WWTR1: variants seen among roughly 807,000 people sequenced by gnomAD.
The protein encoded by WWTR1 is WW domain containing transcription regulator 1.
WWTR1 carries 13 observed loss-of-function variants against 40.1 expected under a neutral mutation model. That is an observed-to-expected ratio of 0.32 (90% CI 0.21 to 0.52). The LOEUF is 0.52. WWTR1 is among the 20% of genes least tolerant of loss of function. The pLI is 0.97. For missense variants in WWTR1, 436 were observed against 523.1 expected, an observed-to-expected ratio of 0.83 and a Z score of 1.63; for synonymous variants, 230 against 210.1, an observed-to-expected ratio of 1.09 and a Z score of -0.82.
chr3:149,579,679 C>T (rs1255947555), intron 2 of WWTR1, among the ~76,000 whole-genome samples: 1 of 152,110 alleles, frequency 6.6e-6, no homozygotes, highest in Non-Finnish European at 1.5e-5. Context: ...GCTGCCAAGC[C>T]TATGATATTT....
At chr3:149,586,306 TTTC>T (rs1454198859) in intron 2 of WWTR1, among the ~76,000 whole-genome samples, 2 of 152,158 alleles carry the variant, frequency 1.3e-5, no homozygotes, top group African/African-American at 4.8e-5. Context: ...TAATCACTTG[TTTC>T]TAAATGATCC....
intron 2 of WWTR1, among the ~76,000 whole-genome samples, chr3:149,597,537 C>T (rs1289318374): frequency 1.3e-5 from 2 of 151,610 alleles, no homozygotes; most frequent in Non-Finnish European, 2.9e-5. Flanking sequence ...CCCAGTGCCT[C>T]GAGAGGCTGG....
intron 4 of WWTR1, among the ~76,000 whole-genome samples, chr3:149,539,828 C>T (rs1035300313): frequency 6.6e-6 from 1 of 151,970 alleles, no homozygotes; most frequent in African/African-American, 2.4e-5. Context: ...AACACAGAGC[C>T]CACACCTGAA....
At chr3:149,676,891 C>T (rs929300813) in intron 1 of WWTR1, among the ~76,000 whole-genome samples, 4 of 151,370 alleles carry the variant, frequency 2.6e-5, no homozygotes, top group Non-Finnish European at 5.9e-5. Context: ...CACCATCCAC[C>T]CTCCTCAGTC....
At chr3:149,521,618 TA>T (rs1052252975) in intron 6 of WWTR1, among the ~76,000 whole-genome samples, 1 of 152,216 alleles carries the variant, frequency 6.6e-6, no homozygotes, top group Non-Finnish European at 1.5e-5. Flanking sequence ...CACTATTTCC[TA>T]AACCCATTTA....
intron 2 of WWTR1, among the ~76,000 whole-genome samples, chr3:149,585,885 C>A (rs1306879678): frequency 6.6e-6 from 1 of 152,056 alleles, no homozygotes; most frequent in East Asian, 1.9e-4. Context: ...AGGGGACATA[C>A]CAGGTACAGA....
chr3:149,674,241 C>G (rs113195745), intron 1 of WWTR1, among the ~76,000 whole-genome samples: 4,812 of 151,720 alleles, frequency 0.032, 158 homozygotes, highest in East Asian at 0.13. Context: ...CTCTGTCTCT[C>G]TCTCTCTCTC....
At chr3:149,723,580 AT>A (rs947110128) in intron 4 of WWTR1, among the ~76,000 whole-genome samples, 3 of 152,034 alleles carry the variant, frequency 2.0e-5, no homozygotes, top group African/African-American at 7.3e-5. Context: ...CCTTTCATAT[AT>A]TTTTTGAGCC....
At chr3:149,576,812 T>C (rs1576573588) in intron 2 of WWTR1, among the ~76,000 whole-genome samples, 1 of 152,150 alleles carries the variant, frequency 6.6e-6, no homozygotes, top group Non-Finnish European at 1.5e-5. Context: ...GATTATGTAT[T>C]GTTTTCACAA....
Position 149,698,433 on chromosome 3 carries a change from T to C in WWTR1, c.-108+4691A>G, listed in dbSNP as rs889160745. 2.6e-5 allele frequency among the ~76,000 whole-genome samples: 4 copies of C among 152,324 alleles called. No individual in the cohort carries two copies. The South Asian group carries it at 6.2e-4, about 24-fold the overall frequency. The stretch of plus-strand genomic sequence containing the variant: ...TGAGGACTCCCCAGCCATGTTGAAC[T>C]GTGAGTCAATTAAACCTCTTTCCTT... On this transcript the variant is annotated intron_variant, in intron 1 of 7. Transcript: ENST00000465804.
chr3:149,580,201 T>G (rs774001826), intron 2 of WWTR1, among the ~76,000 whole-genome samples: 3 of 152,234 alleles, frequency 2.0e-5, no homozygotes, highest in Non-Finnish European at 4.4e-5. Flanking sequence ...ACCTAGGAAA[T>G]GACATATATC....
In WWTR1 at chr3:149,657,116, T is replaced by A; in HGVS notation, c.191A>T (p.Gln64Leu). 2 of 1,585,552 alleles carry A rather than the reference T, an allele frequency of 1.3e-6. No individual in the cohort carries two copies. The highest frequency in any genetic ancestry group is 1.7e-6 in the Non-Finnish European group (2 of 1,168,358). ...GCCGCCCGACGAGTCGGTGCTGGAC[T>A]GGCGCGAGTGCGAGCCCGAATCAGG... ...KEPDSGSHSR[Q>L]SSTDSSGGHP... The change falls in exon 2 of 7, where the codon CAG (glutamine) becomes CTG (leucine). Residue 64 changes from glutamine to leucine, a missense_variant. Coordinates refer to ENST00000360632, the MANE Select transcript of WWTR1 (RefSeq NM_015472.6).
intron 4 of WWTR1, among the ~76,000 whole-genome samples, chr3:149,723,538 G>A (rs924221502): frequency 6.6e-6 from 1 of 152,116 alleles, no homozygotes; most frequent in Non-Finnish European, 1.5e-5. Flanking sequence ...TGTCTTTGTG[G>A]TGTGGATCAG....
intron 2 of WWTR1, among the ~76,000 whole-genome samples, chr3:149,586,168 T>C (rs191627696): frequency 6.6e-6 from 1 of 152,248 alleles, no homozygotes; most frequent in Non-Finnish European, 1.5e-5. Flanking sequence ...CAACATCTAT[T>C]TGTGCGTATA....
At chr3:149,678,700 C>G (rs1291488723) in intron 1 of WWTR1, among the ~76,000 whole-genome samples, 5 of 152,110 alleles carry the variant, frequency 3.3e-5, no homozygotes, top group African/African-American at 7.2e-5. Flanking sequence ...CAAATTCTAT[C>G]TCCGTTATCA....
At chr3:149,664,666 G>A (rs960164925) in intron 2 of WWTR1, among the ~76,000 whole-genome samples, 12 of 149,986 alleles carry the variant, frequency 8.0e-5, no homozygotes, top group African/African-American at 2.2e-4. Flanking sequence ...TCGGCTCACC[G>A]CAACCTCCAC....
rs1018732188 is a variant in WWTR1, at chr3:149,629,300, C to T, written c.431+27576G>A. On this transcript the variant is annotated intron_variant, in intron 2 of 6. Transcript: ENST00000360632. Reference sequence around the variant, plus strand: ...TTGTCTTTGATCTTACAGAAGAGTCCCTCAGGCTCACAAAAGTACTTATAT... The same window carrying T: ...TTGTCTTTGATCTTACAGAAGAGTCTCTCAGGCTCACAAAAGTACTTATAT... 2.1e-5 allele frequency among the ~76,000 whole-genome samples: 3 copies of T among 146,024 alleles called. No homozygotes were observed. In the East Asian group the frequency reaches 5.9e-4, roughly 29 times the overall value.
intron 2 of WWTR1, among the ~76,000 whole-genome samples, chr3:149,635,058 A>G (rs1270088304): frequency 6.6e-6 from 1 of 152,232 alleles, no homozygotes; most frequent in Non-Finnish European, 1.5e-5. Context: ...AGAGCCCTGT[A>G]TAATCAGAAA....
chr3:149,528,029 T>C, intron 4 of WWTR1, 60 bp from the exon 5 acceptor site: 2 of 1,559,482 alleles, frequency 1.3e-6, no homozygotes, highest in South Asian at 1.2e-5. Flanking sequence ...TGGAGCAAAG[T>C]GTACTTCACA....
Sources: gnomAD v4.1 joint callset for allele counts (sites outside exome capture counted in the v4.1 genomes callset) on GRCh38, gnomAD v4.1.1 for gene constraint, MANE v1.5 for transcripts, NCBI Gene and HGNC (gene_info 2026-07-23, HGNC 2026-07-21) for gene names.